Variants in RSPH6A observed in about 807,000 individuals in gnomAD.
RSPH6A encodes the protein radial spoke head 6 homolog A, also known as radial spoke head protein 6 homolog A.
A neutral mutation model predicts 66.1 loss-of-function variants in RSPH6A; 49 were observed. The ratio of observed to expected loss-of-function variants is 0.74; its 90% CI spans 0.59 to 0.94. The LOEUF (loss-of-function observed/expected upper bound fraction) is 0.94. Among genes scored for constraint, RSPH6A ranks in the 40% least tolerant of loss-of-function variants. The pLI is 0.00. For synonymous variants in RSPH6A, 419 were observed against 402.4 expected (o/e 1.04, Z -0.49); for missense variants, 977 against 948.3 (o/e 1.03, Z -0.40).
intron 1 of RSPH6A, among the ~76,000 whole-genome samples, chr19:45,811,488 A>G (rs1970627128): frequency 6.6e-6 from 1 of 151,660 alleles, no homozygotes; most frequent in Non-Finnish European, 1.5e-5. Flanking sequence ...CCCAGGCTGG[A>G]GTGCAGTGGC....
At chr19:45,809,002 G>GTT (rs1600478142) in intron 2 of RSPH6A, among the ~76,000 whole-genome samples, 1 of 83,724 alleles carries the variant, frequency 1.2e-5, no homozygotes, top group African/African-American at 5.8e-5. Context: ...TTTGTTTTTT[G>GTT]CTTTTTTTTT....
chr19:45,813,196 T>A (rs1214096696), intron 1 of RSPH6A, among the ~76,000 whole-genome samples: 1 of 152,060 alleles, frequency 6.6e-6, no homozygotes, highest in African/African-American at 2.4e-5. Flanking sequence ...TCCTTACTGC[T>A]CCTCAAAAAC....
chr19:45,810,937 C>T, intron 1 of RSPH6A, 97 bp from the exon 2 acceptor site: 1 of 927,850 alleles, frequency 1.1e-6, no homozygotes. Flanking sequence ...GTGCTGGGGA[C>T]ACAGTAGGGA....
In RSPH6A at chr19:45,804,847, C is replaced by T. The variant is rs1429023457; in HGVS notation, c.1058G>A (p.Arg353His). The T allele has an allele frequency of 2.5e-6, 4 of 1,614,188 alleles. No individual in the cohort carries two copies. The highest frequency in any genetic ancestry group is 1.7e-5 in the Admixed American group (1 of 60,014). Residue 353 changes from arginine to histidine, a missense_variant, in exon 3 of 6, where the codon CGC (arginine) becomes CAC (histidine). Transcript: ENST00000221538. The surrounding 1 kb of genome is among the most constrained non-coding windows in gnomAD (Gnocchi z 5.8). Reference protein sequence around the residue: ...RFWGKILGIKRSYLVAEVEFR... With the variant: ...RFWGKILGIKHSYLVAEVEFR... ...TTCCACCTCGGCCACCAGGTAGCTG[C>T]GTTTGATTCCCAGGATCTTGCCCCA...
At chr19:45,808,252 T>C (rs1212758969) in intron 2 of RSPH6A, among the ~76,000 whole-genome samples, 1 of 152,082 alleles carries the variant, frequency 6.6e-6, no homozygotes, top group Non-Finnish European at 1.5e-5. Flanking sequence ...CGTGGCAAAA[T>C]CCTGTCTCTA....
chr19:45,798,063 A>C (rs1304475646), intron 5 of RSPH6A, among the ~76,000 whole-genome samples: 1 of 152,096 alleles, frequency 6.6e-6, no homozygotes, highest in Non-Finnish European at 1.5e-5. Context: ...ACAGAGACTG[A>C]TAAAGAGGCA....
chr19:45,811,381 A>T (rs1970625820), intron 1 of RSPH6A, among the ~76,000 whole-genome samples: 1 of 151,428 alleles, frequency 6.6e-6, no homozygotes, highest in Non-Finnish European at 1.5e-5. Context: ...AGGGTGACAC[A>T]TATAGTACTG....
At chr19:45,799,529 A>T (rs1970444178) in intron 5 of RSPH6A, among the ~76,000 whole-genome samples, 1 of 151,662 alleles carries the variant, frequency 6.6e-6, no homozygotes, top group African/African-American at 2.4e-5. Flanking sequence ...TGCCGGGCTG[A>T]TTTTAAAAAT....
chr19:45,806,168 T>A (rs892077675), intron 2 of RSPH6A, among the ~76,000 whole-genome samples: 3 of 151,690 alleles, frequency 2.0e-5, no homozygotes, highest in African/African-American at 7.3e-5. Flanking sequence ...AACGGAGGAG[T>A]CAGTGATGTT....
chr19:45,797,444 C>G (rs1649088219), intron 5 of RSPH6A, among the ~76,000 whole-genome samples: 1 of 151,518 alleles, frequency 6.6e-6, no homozygotes, highest in Non-Finnish European at 1.5e-5. Context: ...ATATGTGGCT[C>G]ATATTTTATT....
Position 45,804,821 on chromosome 19 carries a change from A to G in RSPH6A, c.1084T>C (p.Phe362Leu), listed in dbSNP as rs146023718. ...TCTGCCTCCTCCTCGCCCTCCCGGA[A>G]TTCCACCTCGGCCACCAGGTAGCTG... is the stretch of plus-strand genomic sequence containing the variant. ...KRSYLVAEVEFREGEEEAEEE... is the reference protein window; with the variant it reads ...KRSYLVAEVELREGEEEAEEE... Residue 362 changes from phenylalanine to leucine, a missense_variant, in exon 3 of 6, where the codon TTC becomes CTC. By Grantham distance (22) the Phe-to-Leu change is conservative (BLOSUM62 0). Coordinates refer to ENST00000221538, the MANE Select transcript of RSPH6A (RefSeq NM_030785.4). This position sits in a 1 kb window ranked among gnomAD's most constrained non-coding sequence, Gnocchi z 5.8. The G allele has an allele frequency of 6.2e-7, 1 of 1,614,022 alleles. No individual in the cohort carries two copies. Among genetic ancestry groups the G allele is most frequent in the Non-Finnish European group, 8.5e-7 (1 of 1,179,988 alleles).
chr19:45,799,538 A>AT (rs1165706934), intron 5 of RSPH6A, among the ~76,000 whole-genome samples: 16 of 151,170 alleles, frequency 1.1e-4, no homozygotes, highest in African/African-American at 2.9e-4. Context: ...GATTTTAAAA[A>AT]TTTTTTTAAT....
intron 1 of RSPH6A, among the ~76,000 whole-genome samples, chr19:45,814,014 C>T (rs1238481597): frequency 6.6e-6 from 1 of 152,084 alleles, no homozygotes; most frequent in African/African-American, 2.4e-5. Flanking sequence ...CAAAAATTAG[C>T]TGGGTGAAGT....
chr19:45,809,475 T>G (rs1970594362), intron 2 of RSPH6A, among the ~76,000 whole-genome samples: 1 of 150,698 alleles, frequency 6.6e-6, no homozygotes, highest in African/African-American at 2.4e-5. Flanking sequence ...CGGCTAATTT[T>G]TTGTATTCTT....
At chr19:45,802,449 A>G (rs1197524865) in intron 3 of RSPH6A, among the ~76,000 whole-genome samples, 185 bp from the exon 4 acceptor site, 1 of 151,026 alleles carries the variant, frequency 6.6e-6, no homozygotes, top group Non-Finnish European at 1.5e-5. Flanking sequence ...TGCTGTGTTG[A>G]GGTGAGGACT....
chr19:45,813,789 A>T (rs1248504545), intron 1 of RSPH6A, among the ~76,000 whole-genome samples: 1 of 152,096 alleles, frequency 6.6e-6, no homozygotes, highest in African/African-American at 2.4e-5. Flanking sequence ...GGAGGCTGAG[A>T]GCAGTGTTTT....
intron 4 of RSPH6A, among the ~76,000 whole-genome samples, chr19:45,801,793 C>CCA (rs35295101): frequency 0.48 from 71,100 of 149,576 alleles, 17,029 homozygotes; most frequent in East Asian, 0.63. Context: ...ACCACCACCA[C>CCA]CACACACACA....
Position 45,798,122 on chromosome 19 carries a change from AG to A in RSPH6A, c.1917-2017del, listed in dbSNP as rs202003536. Among the ~76,000 whole-genome samples, 1,037 of 152,222 alleles carry A rather than the reference AG, an allele frequency of 6.8e-3. 14 individuals carry two copies. The highest frequency in any genetic ancestry group is 0.024 in the African/African-American group (982 of 41,540). On this transcript the variant is annotated intron_variant, in intron 5 of 5. Coordinates refer to ENST00000221538, the MANE Select transcript of RSPH6A (RefSeq NM_030785.4). Reference sequence around the variant, plus strand: ...ACGCCTGTAATCCCTGCACTTTGAGAGGCTGAGGTGGGTGGATCACCTGGTC... The same window carrying A: ...ACGCCTGTAATCCCTGCACTTTGAGAGCTGAGGTGGGTGGATCACCTGGTC...
chr19:45,814,933 G>T lies in RSPH6A; in HGVS notation c.244C>A (p.Leu82Met), dbSNP rs370119752. ...ACAGATGGGTACTCCATGCCACCCA[G>T]CCGGGCTTCCTCAGCCTGGAAGACC... Reference protein sequence around the residue: ...PQVFQAEEARLGGMEYPSVNT... With the variant: ...PQVFQAEEARMGGMEYPSVNT... The change falls in exon 1 of 6, where the codon CTG becomes ATG. Residue 82 changes from leucine (L) to methionine (M), a missense_variant. Leu to Met is a conservative substitution (Grantham distance 15). Coordinates refer to ENST00000221538, the MANE Select transcript of RSPH6A (RefSeq NM_030785.4). 41 of 1,614,008 alleles carry T rather than the reference G, an allele frequency of 2.5e-5. No individual in the cohort carries two copies. Among genetic ancestry groups the T allele is most frequent in the Non-Finnish European group, 2.9e-5 (34 of 1,180,052 alleles).
Sources: gnomAD v4.1 joint callset for allele counts (sites outside exome capture counted in the v4.1 genomes callset) on GRCh38, gnomAD v4.1.1 for gene constraint, Gnocchi (gnomAD v3.1) non-coding constraint, MANE v1.5 for transcripts, NCBI Gene and HGNC (gene_info 2026-07-23, HGNC 2026-07-21) for gene names.